The following CSMD3 variants were observed in gnomAD, a reference collection of about 807,000 sequenced individuals.
The protein encoded by CSMD3 is CUB and Sushi multiple domains 3, also known as CUB and sushi domain-containing protein 3.
Under a neutral mutation model 435.2 loss-of-function variants are expected in CSMD3, and 177 were observed. The observed-to-expected ratio is 0.41, with a 90% CI of 0.36 to 0.46. The LOEUF (loss-of-function observed/expected upper bound fraction) is 0.46, where lower values mean the gene tolerates loss of function less well. Ranked by LOEUF, CSMD3 falls within the 20% of genes least tolerant of loss-of-function variation. The pLI is 0.34. For missense variants in CSMD3, 4,265 were observed against 4,504.6 expected, an observed-to-expected ratio of 0.95 and a Z score of 1.52; for synonymous variants, 1,656 against 1,520.5, an observed-to-expected ratio of 1.09 and a Z score of -2.07.
chr8:113,405,971 G>T (rs2094531010), intron 1 of CSMD3, among the ~76,000 whole-genome samples: 2 of 151,640 alleles, frequency 1.3e-5, no homozygotes, highest in African/African-American at 2.4e-5. Context: ...TATGTCCCTT[G>T]GTAATGTAAC....
In CSMD3 at chr8:112,224,855, G is replaced by T. The variant is rs758728478; in HGVS notation, c.11040C>A (p.Pro3680=). ...NNNGQAAFEN[P]MYDTNAKSVE... ...CTGACTTTGCGTTGGTGTCATACATGGGATTTTCAAAAGCTGCTTGGCCAT... is the reference window on the plus strand; with the variant it reads ...CTGACTTTGCGTTGGTGTCATACATTGGATTTTCAAAAGCTGCTTGGCCAT... Residue 3680 remains proline, a synonymous_variant, in exon 71 of 71, where the codon CCC becomes CCA. Transcript: ENST00000297405. The T allele has an allele frequency of 1.2e-6, 2 of 1,613,900 alleles. No individual in the cohort carries two copies. The highest frequency in any genetic ancestry group is 2.7e-5 in the African/African-American group (2 of 74,918).
intron 16 of CSMD3, among the ~76,000 whole-genome samples, chr8:112,682,216 A>G (rs897158796): frequency 6.6e-6 from 1 of 152,176 alleles, no homozygotes; most frequent in African/African-American, 2.4e-5. Flanking sequence ...TTATCTTTTA[A>G]TAAGAGCTTT....
At chr8:112,650,070 T>G (rs6992564) in intron 19 of CSMD3, 91 bp downstream of exon 19, 456,590 of 935,292 alleles carry the variant, frequency 0.49, 114,732 homozygotes, top group African/African-American at 0.76. Context: ...AAACCTAAAA[T>G]ATTTATAATT....
chr8:113,004,719 C>A (rs904508533), intron 6 of CSMD3, among the ~76,000 whole-genome samples: 4 of 151,764 alleles, frequency 2.6e-5, no homozygotes, highest in African/African-American at 9.7e-5. Flanking sequence ...ACTTTTAGCA[C>A]TTCTTATGCA....
intron 6 of CSMD3, among the ~76,000 whole-genome samples, chr8:112,981,481 C>T (rs2085051570): frequency 2.0e-5 from 3 of 151,274 alleles, no homozygotes; most frequent in South Asian, 2.1e-4. Context: ...AGTTTATAAG[C>T]GTTAAATAGG....
At chr8:112,546,503 A>C (rs2131167008) in intron 27 of CSMD3, among the ~76,000 whole-genome samples, 1 of 152,298 alleles carries the variant, frequency 6.6e-6, no homozygotes, top group Non-Finnish European at 1.5e-5. Context: ...CAACAGTATT[A>C]GCTACGGGCC....
chr8:112,846,212 T>TTCTTAAAAAAGATAATTCTTTTTTAACA (rs2080313415), intron 11 of CSMD3, among the ~76,000 whole-genome samples: 2 of 142,832 alleles, frequency 1.4e-5, no homozygotes, highest in Admixed American at 6.9e-5. Flanking sequence ...GTTAAAATTA[T>TTCTTAAAAAAGATAATTCTTTTTTAACA]TCTTAAAAAA....
At chr8:112,325,863 T>C (rs983384885) in intron 45 of CSMD3, among the ~76,000 whole-genome samples, 1 of 152,064 alleles carries the variant, frequency 6.6e-6, no homozygotes, top group African/African-American at 2.4e-5. Context: ...ATAATGATAA[T>C]AGTAATAATT....
chr8:113,297,140 A>G (rs2093728867), intron 2 of CSMD3, among the ~76,000 whole-genome samples: 1 of 152,152 alleles, frequency 6.6e-6, no homozygotes, highest in African/African-American at 2.4e-5. Context: ...TGTTTTATTA[A>G]GTTAATATAT....
intron 4 of CSMD3, among the ~76,000 whole-genome samples, chr8:113,112,382 A>G (rs1446025417): frequency 1.9e-5 from 2 of 103,886 alleles, no homozygotes; most frequent in Middle Eastern, 4.8e-3. Context: ...CTGACCCAAT[A>G]AAACATATAT....
intron 5 of CSMD3, among the ~76,000 whole-genome samples, chr8:113,078,573 T>C (rs2089438998): frequency 6.6e-6 from 1 of 152,184 alleles, no homozygotes; most frequent in African/African-American, 2.4e-5. Flanking sequence ...TTTGGACTTA[T>C]CTTAGTCATT....
rs1456823503 is a variant in CSMD3 at position 112,308,038 on chromosome 8, G to C, written c.7886-1846C>G. Among the ~76,000 whole-genome samples the C allele has an allele frequency of 7.9e-5, 12 of 152,220 alleles. No individual in the cohort carries two copies. In the East Asian group the frequency reaches 2.3e-3, roughly 29 times the overall value. On this transcript the variant is annotated intron_variant, in intron 50 of 70. Transcript: ENST00000297405. The stretch of plus-strand genomic sequence containing the variant: ...ACTGAATGGCAGAATCCCTACTGCT[G>C]AATAATTGATCTTCTGTAATTTGGT...
At chr8:113,418,802 G>A (rs965550812) in intron 1 of CSMD3, among the ~76,000 whole-genome samples, 1 of 152,132 alleles carries the variant, frequency 6.6e-6, no homozygotes, top group African/African-American at 2.4e-5. Context: ...AACAATAACA[G>A]GAGTGAAACA....
intron 36 of CSMD3, among the ~76,000 whole-genome samples, chr8:112,385,698 A>G (rs1563874145): frequency 6.6e-6 from 1 of 152,194 alleles, no homozygotes; most frequent in Non-Finnish European, 1.5e-5. Context: ...AAGTTATTAA[A>G]TTTTGTGTGA....
intron 24 of CSMD3, among the ~76,000 whole-genome samples, chr8:112,572,101 GCTCAATATCATTA>G (rs1182633446): frequency 2.5e-4 from 37 of 150,578 alleles, no homozygotes; most frequent in Admixed American, 7.9e-4. Flanking sequence ...ATAGTATATT[GCTCAATATCATTA>G]CTCAATATCA....
intron 3 of CSMD3, among the ~76,000 whole-genome samples, chr8:113,237,065 T>G (rs2093159274): frequency 6.6e-6 from 1 of 152,174 alleles, no homozygotes; most frequent in Non-Finnish European, 1.5e-5. Context: ...CTTGACAATA[T>G]TCTGTGCAGA....
intron 32 of CSMD3, 94 bp from the exon 33 acceptor site, chr8:112,409,126 A>C: frequency 1.9e-6 from 3 of 1,567,520 alleles, no homozygotes; most frequent in Non-Finnish European, 2.6e-6. Flanking sequence ...GAGAGAGAGA[A>C]CAAAGTATTA....
chr8:112,966,588 GT>G (rs1314030254), intron 7 of CSMD3, among the ~76,000 whole-genome samples: 1 of 149,866 alleles, frequency 6.7e-6, no homozygotes, highest in Admixed American at 6.7e-5. Context: ...TTTTCTCTTT[GT>G]TATTTGATAC....
At chr8:112,776,215 A>G (rs908448222) in intron 13 of CSMD3, among the ~76,000 whole-genome samples, 2 of 151,876 alleles carry the variant, frequency 1.3e-5, no homozygotes, top group Non-Finnish European at 2.9e-5. Context: ...AATAATTTAC[A>G]TTGTGAAAGG....
Sources: allele counts gnomAD v4.1 joint callset (sites outside exome capture counted in the v4.1 genomes callset), GRCh38; gene constraint gnomAD v4.1.1; transcripts MANE v1.5; gene names NCBI Gene and HGNC (gene_info 2026-07-23, HGNC 2026-07-21).